GSTZ1: variants seen among roughly 807,000 people sequenced by gnomAD.
The protein encoded by GSTZ1 is maleylacetoacetate isomerase.
A neutral mutation model predicts 35.9 loss-of-function variants in GSTZ1; 34 were observed. The observed-to-expected ratio is 0.95, with a 90% CI of 0.72 to 1.26. The LOEUF (loss-of-function observed/expected upper bound fraction) is 1.26. Ranked by LOEUF, GSTZ1 falls within the 50% of genes most tolerant of loss-of-function variation. The pLI is 0.00. For missense variants in GSTZ1, 263 were observed against 271.7 expected, an observed-to-expected ratio of 0.97 and a Z score of 0.23; for synonymous variants, 93 against 101.2, an observed-to-expected ratio of 0.92 and a Z score of 0.49.
At chr14:77,327,792 C>T (rs1594825274) in intron 4 of GSTZ1, 120 bp from the exon 5 acceptor site, 2 of 987,304 alleles carry the variant, frequency 2.0e-6, no homozygotes, top group East Asian at 4.8e-5. Context: ...TGAGCAGAAG[C>T]AGGGGGGAAG....
intron 1 of GSTZ1, 128 bp downstream of exon 1, chr14:77,321,311 C>G: frequency 6.6e-7 from 1 of 1,525,932 alleles, no homozygotes; most frequent in Non-Finnish European, 8.8e-7. Context: ...TGCTTTGCGC[C>G]GGGCACGCTC....
chr14:77,330,088 A>G, intron 7 of GSTZ1: 2 of 690,426 alleles, frequency 2.9e-6, no homozygotes, highest in East Asian at 2.7e-5. Context: ...CTCAACCCAC[A>G]GAGTTGGTTG....
intron 4 of GSTZ1, 136 bp downstream of exon 4, chr14:77,327,688 G>A (rs765591724): frequency 1.3e-6 from 1 of 746,380 alleles, no homozygotes. Context: ...CGTGGGGAGG[G>A]TGCGAGGTTA....
At chr14:77,330,984 C>CT in intron 8 of GSTZ1, 85 bp from the exon 9 acceptor site, 2 of 1,382,112 alleles carry the variant, frequency 1.4e-6, no homozygotes, top group Non-Finnish European at 2.0e-6. Flanking sequence ...TCATCCAGCC[C>CT]TGCCTCTCTG....
intron 5 of GSTZ1, chr14:77,328,247 C>T: frequency 5.2e-6 from 3 of 577,242 alleles, no homozygotes; most frequent in Non-Finnish European, 9.2e-6. Flanking sequence ...TTCCGAGAAG[C>T]TCTAGTTTCC....
intron 8 of GSTZ1, 107 bp from the exon 9 acceptor site, chr14:77,330,962 G>GCTCC: frequency 1.9e-6 from 2 of 1,075,376 alleles, no homozygotes; most frequent in Non-Finnish European, 2.7e-6. Flanking sequence ...TCCCTGGACA[G>GCTCC]CTCCCTCGAC....
chr14:77,328,184 G>T lies in GSTZ1; in HGVS notation c.342+147G>T, dbSNP rs530136613. Reference sequence around the variant, plus strand: ...TCTGACCTGGACCATGTGAAAGAAGGGGGTGAAGATCGCAATCTCAGAATT... The same window carrying T: ...TCTGACCTGGACCATGTGAAAGAAGTGGGTGAAGATCGCAATCTCAGAATT... On this transcript the variant is annotated intron_variant, in intron 5 of 8. Transcript: ENST00000216465. 8 of 782,986 alleles carry T rather than the reference G, an allele frequency of 1.0e-5. No individual in the cohort carries two copies. In the East Asian group the frequency reaches 2.2e-4, roughly 21 times the overall value. 48.5% of individuals were successfully genotyped at this position (782,986 alleles called of 1,614,324 possible). A position where few individuals can be genotyped will look rare whatever the true frequency, so the allele number is the denominator to read the frequency against.
At position 77,328,123 on chromosome 14, in the gene GSTZ1, G is replaced by A. The variant is rs562439654; in HGVS notation, c.342+86G>A. ...GCTGTGAGCTGCCCAGTGTGGGGGC[G>A]GGGGTGTCAAGGGAGGGAGGGGGAT... On this transcript the variant is annotated intron_variant, in intron 5 of 8. Transcript: ENST00000216465. The A allele has an allele frequency of 3.7e-5, 52 of 1,409,264 alleles. 1 individual carries two copies. Among genetic ancestry groups the A allele is most frequent in the Admixed American group, 2.5e-4 (14 of 56,374 alleles). 87.3% of individuals were successfully genotyped at this position (1,409,264 alleles called of 1,614,324 possible). A position where few individuals can be genotyped will look rare whatever the true frequency, so the allele number is the denominator to read the frequency against.
Position 77,329,216 on chromosome 14 carries a change from C to G in GSTZ1, c.421+15C>G. ...TGGCTTTAACGGTGAGTCCTCACCT[C>G]TGTGAGCTGCCCCACAGTGGCCTCT... is the stretch of plus-strand genomic sequence containing the variant. On this transcript the variant is annotated intron_variant, in intron 6 of 8. Transcript: ENST00000216465. The G allele has an allele frequency of 1.9e-6, 3 of 1,538,570 alleles. No homozygotes were observed. Among genetic ancestry groups the G allele is most frequent in the Non-Finnish European group, 2.7e-6 (3 of 1,111,008 alleles).
At chr14:77,327,854 C>G (rs996934661) in intron 4 of GSTZ1, 58 bp from the exon 5 acceptor site, 4 of 1,565,336 alleles carry the variant, frequency 2.6e-6, no homozygotes, top group Admixed American at 1.7e-5. Context: ...CTGGCCCTGT[C>G]CCCTCTGGTC....
At chr14:77,328,266 ATGTACAGG>A (rs1892443680) in intron 5 of GSTZ1, 1 of 545,448 alleles carries the variant, frequency 1.8e-6, no homozygotes, top group Non-Finnish European at 3.3e-6. Flanking sequence ...CCAAGGACGC[ATGTACAGG>A]TGCTTGGGGT....
intron 5 of GSTZ1, chr14:77,328,625 A>G (rs923951496): frequency 4.0e-5 from 7 of 176,352 alleles, no homozygotes; most frequent in African/African-American, 1.7e-4. Context: ...GTTGGAGCAG[A>G]CAGACATCTC....
chr14:77,324,336 A>T, intron 1 of GSTZ1: 1 of 490,016 alleles, frequency 2.0e-6, no homozygotes, highest in Non-Finnish European at 3.7e-6. Flanking sequence ...CAGTAGAGAC[A>T]GGGTTTCACC....
At chr14:77,321,349 T>C in intron 1 of GSTZ1, 166 bp downstream of exon 1, 2 of 1,533,156 alleles carry the variant, frequency 1.3e-6, no homozygotes, top group Non-Finnish European at 1.7e-6. Context: ...CGCTGCCCGC[T>C]GGGGCTCGAA....
At chr14:77,327,392 TG>T in intron 3 of GSTZ1, 79 bp from the exon 4 acceptor site, 1 of 823,424 alleles carries the variant, frequency 1.2e-6, no homozygotes, top group Non-Finnish European at 2.1e-6. Context: ...GTGGCAGGCC[TG>T]GGGTTCTCCT....
intron 3 of GSTZ1, chr14:77,327,150 AG>A (rs5809823): frequency 0.23 from 136,325 of 591,884 alleles, 16,858 homozygotes; most frequent in Admixed American, 0.29. Context: ...TGACCCTGGG[AG>A]GGTGGGTGGC....
rs1892480217 is a variant in GSTZ1 at position 77,329,111 on chromosome 14, T to C, written c.343-12T>C. 1 of 1,601,472 alleles carries C rather than the reference T, an allele frequency of 6.2e-7. No individual in the cohort carries two copies. The highest frequency in any genetic ancestry group is 1.7e-5 in the Admixed American group (1 of 60,008). On this transcript the variant is annotated splice_polypyrimidine_tract_variant and intron_variant, in intron 5 of 8. Coordinates refer to ENST00000216465, the MANE Select transcript of GSTZ1 (RefSeq NM_145870.3). ...TGTCAGCGCAATCACAGATTTTCTT[T>C]GGGCTGCACAGAACCTGTCTGTCCT... is the stretch of plus-strand genomic sequence containing the variant.
In GSTZ1 at chr14:77,329,127, T is replaced by C. The variant is rs1195196843; in HGVS notation, c.347T>C (p.Leu116Pro). 6.2e-7 allele frequency: 1 copy of C among 1,610,128 alleles called. No individual in the cohort carries two copies. Among genetic ancestry groups the C allele is most frequent in the South Asian group, 1.1e-5 (1 of 91,014 alleles). ...GATTTTCTTTGGGCTGCACAGAACCTGTCTGTCCTGAAGCAAGTGGGAGAG... is the reference window on the plus strand; with the variant it reads ...GATTTTCTTTGGGCTGCACAGAACCCGTCTGTCCTGAAGCAAGTGGGAGAG... Reference protein sequence around the residue: ...IAGGIQPLQNLSVLKQVGEEM... With the variant: ...IAGGIQPLQNPSVLKQVGEEM... Residue 116 changes from leucine to proline, a missense_variant, in exon 6 of 9, where the codon CTG (leucine) becomes CCG (proline). By Grantham distance (98) the Leu-to-Pro change is moderately conservative (BLOSUM62 -3). Coordinates refer to ENST00000216465, the MANE Select transcript of GSTZ1 (RefSeq NM_145870.3).
In GSTZ1 at chr14:77,321,058, C is replaced by G. The variant is rs1316899342; in HGVS notation, c.-111C>G. 1.2e-5 allele frequency: 14 copies of G among 1,195,568 alleles called. No homozygotes were observed. The highest frequency in any genetic ancestry group is 8.0e-6 in the Non-Finnish European group (7 of 876,948). The allele number at this position is 1,195,568 out of a possible 1,614,324, so 74.1% of individuals were successfully genotyped here. ...TTTCTAGTCCAGCCCCTCGCTTTACCCGGACGAAAGACACGGGCCTGATTC... is the reference window on the plus strand; with the variant it reads ...TTTCTAGTCCAGCCCCTCGCTTTACGCGGACGAAAGACACGGGCCTGATTC... On this transcript the variant is annotated 5_prime_UTR_variant, in exon 1 of 9. Transcript: ENST00000216465.
Sources: allele counts gnomAD v4.1 joint callset, GRCh38; gene constraint gnomAD v4.1.1; transcripts MANE v1.5; gene names NCBI Gene and HGNC (gene_info 2026-07-23, HGNC 2026-07-21).